Variants in CNTN5 observed in about 807,000 individuals in gnomAD.
The protein encoded by CNTN5 is contactin-5.
CNTN5 carries 77 observed loss-of-function variants against 129.1 expected under a neutral mutation model. The observed-to-expected ratio is 0.60, with a 90% CI of 0.50 to 0.72. The LOEUF is 0.72. CNTN5 is among the 30% of genes least tolerant of loss of function. The probability of loss-of-function intolerance (pLI) is 0.00; values close to 1 mark genes in which losing one functional copy is unlikely to be tolerated. For missense variants in CNTN5, 1,478 were observed against 1,328.8 expected (o/e 1.11, Z -1.75); for synonymous variants, 509 against 465.6 (o/e 1.09, Z -1.20).
At chr11:99,841,915 T>C (rs978366461) in intron 4 of CNTN5, among the ~76,000 whole-genome samples, 1 of 150,732 alleles carries the variant, frequency 6.6e-6, no homozygotes. Flanking sequence ...TTATGGAGTT[T>C]CACTCTTGTT....
chr11:99,654,764 C>T (rs879726800), intron 3 of CNTN5, among the ~76,000 whole-genome samples: 1 of 152,038 alleles, frequency 6.6e-6, no homozygotes, highest in Non-Finnish European at 1.5e-5. Context: ...TTAAACAAAT[C>T]TTAGAAGATG....
chr11:99,398,276 C>G (rs1308716693), intron 2 of CNTN5, among the ~76,000 whole-genome samples: 1 of 151,806 alleles, frequency 6.6e-6, no homozygotes, highest in Non-Finnish European at 1.5e-5. Flanking sequence ...TAGGGTCAAA[C>G]CGTTTTTTCT....
intron 3 of CNTN5, among the ~76,000 whole-genome samples, chr11:99,664,807 T>A (rs1211525752): frequency 5.9e-5 from 9 of 152,174 alleles, no homozygotes; most frequent in Admixed American, 5.9e-4. Context: ...TACTGAAATT[T>A]ATGACCACAT....
At chr11:100,287,042 G>A (rs1411613169) in intron 18 of CNTN5, among the ~76,000 whole-genome samples, 1 of 151,926 alleles carries the variant, frequency 6.6e-6, no homozygotes, top group Non-Finnish European at 1.5e-5. Context: ...GAAGCGAGAA[G>A]GGAAGTTTAG....
chr11:99,416,473 G>C (rs1317881354), intron 2 of CNTN5, among the ~76,000 whole-genome samples: 1 of 151,954 alleles, frequency 6.6e-6, no homozygotes, highest in Non-Finnish European at 1.5e-5. Context: ...ATGTTGGTGA[G>C]ATGGGTTCTC....
Position 99,746,386 on chromosome 11 carries a change from T to C in CNTN5, c.56-73158T>C, listed in dbSNP as rs187662625. Among the ~76,000 whole-genome samples the C allele has an allele frequency of 3.6e-3, 545 of 152,306 alleles. 3 individuals are homozygous for C. Among genetic ancestry groups the C allele is most frequent in the African/African-American group, 0.012 (510 of 41,576 alleles). ...TCAAATTTCAACTGACAGTAAATGCTTAGATTTATTTCCAGACTCTCTATT... is the reference window on the plus strand; with the variant it reads ...TCAAATTTCAACTGACAGTAAATGCCTAGATTTATTTCCAGACTCTCTATT... On this transcript the variant is annotated intron_variant, in intron 3 of 24. Coordinates refer to ENST00000524871, the MANE Select transcript of CNTN5 (RefSeq NM_014361.4).
chr11:99,081,840 A>G (rs1360018936), intron 1 of CNTN5, among the ~76,000 whole-genome samples: 3 of 152,178 alleles, frequency 2.0e-5, no homozygotes, highest in Non-Finnish European at 4.4e-5. Flanking sequence ...TTAAGAAGGA[A>G]TTTATTAATA....
chr11:99,276,107 C>T, intron 1 of CNTN5, among the ~76,000 whole-genome samples: 1 of 151,722 alleles, frequency 6.6e-6, no homozygotes, highest in African/African-American at 2.4e-5. Context: ...TCAATATTCC[C>T]CTGATTTAAC....
At chr11:99,214,033 T>TA (rs764719141) in intron 1 of CNTN5, among the ~76,000 whole-genome samples, 4 of 152,154 alleles carry the variant, frequency 2.6e-5, no homozygotes, top group Non-Finnish European at 5.9e-5. Flanking sequence ...AAAATGCAGT[T>TA]ACTGCTATTA....
rs531588442 is a variant in CNTN5 at position 99,079,027 on chromosome 11, G to A, written c.-210+57757G>A. Among the ~76,000 whole-genome samples, 71 of 152,170 alleles carry A rather than the reference G, an allele frequency of 4.7e-4. No homozygotes were observed. In the South Asian group the frequency reaches 6.9e-3, roughly 15 times the overall value. On this transcript the variant is annotated intron_variant, in intron 1 of 24. Coordinates refer to ENST00000524871, the MANE Select transcript of CNTN5 (RefSeq NM_014361.4). ...TACCTTCATGTGATTATTACACATT[G>A]TATGCCTGTATTAAAATATTGAATA...
At chr11:99,946,670 T>C (rs1351285274) in intron 7 of CNTN5, among the ~76,000 whole-genome samples, 1 of 152,128 alleles carries the variant, frequency 6.6e-6, no homozygotes, top group African/African-American at 2.4e-5. Flanking sequence ...GTATCCATAG[T>C]ATGTATATTA....
chr11:99,122,866 G>A (rs1858418909), intron 1 of CNTN5, among the ~76,000 whole-genome samples: 2 of 152,054 alleles, frequency 1.3e-5, no homozygotes, highest in African/African-American at 4.8e-5. Context: ...TTGCTGCAAA[G>A]GACATGGTCT....
intron 1 of CNTN5, among the ~76,000 whole-genome samples, chr11:99,302,989 A>T (rs1864711152): frequency 6.6e-6 from 1 of 151,754 alleles, no homozygotes; most frequent in South Asian, 2.1e-4. Context: ...TTGCATGTAC[A>T]TATACCTGCA....
At chr11:99,163,139 G>A (rs759679156) in intron 1 of CNTN5, among the ~76,000 whole-genome samples, 1 of 152,012 alleles carries the variant, frequency 6.6e-6, no homozygotes. Context: ...TATGGCTCTT[G>A]GGTAATTGGA....
At chr11:100,341,284 A>G (rs898030977) in intron 23 of CNTN5, 79 bp downstream of exon 23, 2 of 1,027,610 alleles carry the variant, frequency 1.9e-6, no homozygotes, top group Non-Finnish European at 1.5e-6. Context: ...AATAAGGCAT[A>G]AAAAGACCCA....
At chr11:100,229,846 A>G (rs1949453561) in intron 16 of CNTN5, among the ~76,000 whole-genome samples, 1 of 152,198 alleles carries the variant, frequency 6.6e-6, no homozygotes, top group African/African-American at 2.4e-5. Context: ...TCTTTGGAGC[A>G]TAGAGGTTGC....
chr11:100,234,699 T>C (rs1200474348), intron 16 of CNTN5, among the ~76,000 whole-genome samples: 3 of 149,034 alleles, frequency 2.0e-5, no homozygotes, highest in East Asian at 2.0e-4. Context: ...AAATACCTAA[T>C]GTAGATGACA....
chr11:99,815,776 A>G (rs1946567503), intron 3 of CNTN5, among the ~76,000 whole-genome samples: 1 of 152,182 alleles, frequency 6.6e-6, no homozygotes, highest in Non-Finnish European at 1.5e-5. Flanking sequence ...TGAGGATGAA[A>G]CATAACTGAA....
chr11:100,314,013 T>C (rs1249310157), intron 21 of CNTN5, among the ~76,000 whole-genome samples: 1 of 152,140 alleles, frequency 6.6e-6, no homozygotes, highest in African/African-American at 2.4e-5. Flanking sequence ...CCTTATGTTG[T>C]CAATTAGTAA....
Sources: gnomAD v4.1 joint callset for allele counts (sites outside exome capture counted in the v4.1 genomes callset) on GRCh38, gnomAD v4.1.1 for gene constraint, MANE v1.5 for transcripts, NCBI Gene and HGNC (gene_info 2026-07-23, HGNC 2026-07-21) for gene names.